Variants in CD163L1 observed in about 807,000 individuals in gnomAD.
CD163L1 encodes the protein CD163 molecule like 1.
CD163L1 carries 124 observed loss-of-function variants against 165.4 expected under a neutral mutation model. That is an observed-to-expected ratio of 0.75 (90% CI 0.65 to 0.87). The LOEUF is 0.87. Among genes scored for constraint, CD163L1 ranks in the 40% least tolerant of loss-of-function variants. The probability of loss-of-function intolerance (pLI) is 0.00; values close to 1 mark genes in which losing one functional copy is unlikely to be tolerated. For missense variants in CD163L1, 1,525 were observed against 1,799.9 expected, an observed-to-expected ratio of 0.85 and a Z score of 2.76; for synonymous variants, 585 against 662.2, an observed-to-expected ratio of 0.88 and a Z score of 1.79.
chr12:7,419,965 G>A (rs755882295), intron 4 of CD163L1, among the ~76,000 whole-genome samples: 1 of 151,672 alleles, frequency 6.6e-6, no homozygotes, highest in Non-Finnish European at 1.5e-5. Context: ...CAAACTATAA[G>A]GCAATAGTCA....
intron 4 of CD163L1, among the ~76,000 whole-genome samples, chr12:7,407,744 A>G (rs1948055750): frequency 6.6e-6 from 1 of 151,422 alleles, no homozygotes; most frequent in Non-Finnish European, 1.5e-5. Flanking sequence ...AAAGCCTGAG[A>G]ACTTGAAGAT....
Position 7,400,934 on chromosome 12 carries a change from A to C in CD163L1, c.1409-2350T>G, listed in dbSNP as rs187474485. On this transcript the variant is annotated intron_variant, in intron 6 of 19. Transcript: ENST00000313599. This position sits in a 1 kb window ranked among gnomAD's most constrained non-coding sequence, Gnocchi z 4.1. ...AGAGTTCTTACACATTATGAAGACA[A>C]AGACATCACACAGCAGAAAAATGGC... Among the ~76,000 whole-genome samples the C allele has an allele frequency of 2.0e-4, 31 of 152,320 alleles. No individual in the cohort carries two copies. The East Asian group carries it at 5.0e-3, about 25-fold the overall frequency.
At chr12:7,380,773 A>G (rs962448224) in intron 8 of CD163L1, among the ~76,000 whole-genome samples, 1 of 152,164 alleles carries the variant, frequency 6.6e-6, no homozygotes, top group Non-Finnish European at 1.5e-5. Flanking sequence ...CTAAAAACCT[A>G]TGGAAATAAA....
chr12:7,367,172 A>G, intron 18 of CD163L1, 64 bp downstream of exon 18: 1 of 951,190 alleles, frequency 1.1e-6, no homozygotes, highest in Non-Finnish European at 1.6e-6. Context: ...GTTCCTAAAT[A>G]TCAGCGGTAT....
the CD163L1 span, among the ~76,000 whole-genome samples, chr12:7,331,532 C>A: frequency 2.6e-5 from 4 of 152,226 alleles, no homozygotes; most frequent in Non-Finnish European, 5.9e-5. Context: ...GAGGCACCCC[C>A]CAGTAGGGGC....
chr12:7,342,238 G>T (rs770050961), downstream of CD163L1, among the ~76,000 whole-genome samples: 1 of 152,314 alleles, frequency 6.6e-6, no homozygotes, highest in African/African-American at 2.4e-5. Context: ...GCTGGAATGA[G>T]GGCAGGGAAC....
intron 4 of CD163L1, among the ~76,000 whole-genome samples, chr12:7,421,636 T>C (rs201742294): frequency 1.5e-3 from 8 of 5,234 alleles, no homozygotes; most frequent in Non-Finnish European, 4.3e-3. Flanking sequence ...TATACATATA[T>C]GTACACATAT....
chr12:7,361,272 C>T (rs1043670033), intron 18 of CD163L1, among the ~76,000 whole-genome samples: 3 of 152,142 alleles, frequency 2.0e-5, no homozygotes, highest in African/African-American at 7.2e-5. Context: ...TCCAGATCCT[C>T]CCTCTATGTG....
intron 2 of CD163L1, among the ~76,000 whole-genome samples, chr12:7,437,289 G>A (rs887450167): frequency 2.8e-3 from 13 of 4,632 alleles, no homozygotes; most frequent in Non-Finnish European, 0.012. Context: ...TATTTTAATA[G>A]TATTACTTTT....
intron 4 of CD163L1, among the ~76,000 whole-genome samples, chr12:7,422,121 C>T (rs914067178): frequency 6.6e-6 from 1 of 152,200 alleles, no homozygotes; most frequent in South Asian, 2.1e-4. Context: ...CCGTTCTGCA[C>T]ACTCCGCTGG....
At chr12:7,380,380 T>TGTGTGTATACGCGTATACATACATGTAA in intron 8 of CD163L1, among the ~76,000 whole-genome samples, 1 of 141,532 alleles carries the variant, frequency 7.1e-6, no homozygotes, top group Non-Finnish European at 1.6e-5. Flanking sequence ...CATACATGTA[T>TGTGTGTATACGCGTATACATACATGTAA]GTGTGTATAT....
At chr12:7,390,028 A>G (rs1195806015) in intron 8 of CD163L1, among the ~76,000 whole-genome samples, 1 of 149,390 alleles carries the variant, frequency 6.7e-6, no homozygotes, top group Non-Finnish European at 1.5e-5. Context: ...AAAGAATGAA[A>G]TCTTACTATT....
chr12:7,371,090 C>A (rs1423530562), intron 14 of CD163L1, among the ~76,000 whole-genome samples: 3 of 152,156 alleles, frequency 2.0e-5, no homozygotes, highest in African/African-American at 7.2e-5. Flanking sequence ...CTTTTGCCTG[C>A]CACCATGTAA....
the CD163L1 span, among the ~76,000 whole-genome samples, chr12:7,341,117 T>A: frequency 1.3e-5 from 2 of 152,232 alleles, no homozygotes; most frequent in South Asian, 4.1e-4. Context: ...AGATTAATTT[T>A]CTTTACTTAA....
At chr12:7,326,004 A>G in the CD163L1 span, among the ~76,000 whole-genome samples, 5 of 152,170 alleles carry the variant, frequency 3.3e-5, no homozygotes, top group African/African-American at 4.8e-5. Flanking sequence ...TATTCTCTCA[A>G]TATAAATGAT....
intron 8 of CD163L1, among the ~76,000 whole-genome samples, chr12:7,382,034 TTATATATAATTGTTTTA>T (rs1659398719): frequency 6.8e-6 from 1 of 147,950 alleles, no homozygotes; most frequent in Admixed American, 6.8e-5. Flanking sequence ...ATAGAATTGT[TTATATATAATTGTTTTA>T]TATATATAAT....
At chr12:7,377,750 G>A (rs771410359) in intron 9 of CD163L1, among the ~76,000 whole-genome samples, 25 of 152,042 alleles carry the variant, frequency 1.6e-4, no homozygotes, top group Non-Finnish European at 2.8e-4. Flanking sequence ...TGGCTTTAGC[G>A]ATGTGACATT....
the CD163L1 span, among the ~76,000 whole-genome samples, chr12:7,329,114 A>G: frequency 6.7e-6 from 1 of 148,360 alleles, no homozygotes; most frequent in Non-Finnish European, 1.5e-5. Flanking sequence ...ATATGTATCT[A>G]TATATACACA....
At chr12:7,381,669 G>A (rs1422687107) in intron 8 of CD163L1, among the ~76,000 whole-genome samples, 1 of 151,950 alleles carries the variant, frequency 6.6e-6, no homozygotes. Context: ...AGATACTGAC[G>A]TTTAGAGAGC....
Sources: allele counts gnomAD v4.1 joint callset (sites outside exome capture counted in the v4.1 genomes callset), GRCh38; gene constraint gnomAD v4.1.1; non-coding constraint Gnocchi (gnomAD v3.1); transcripts MANE v1.5; gene names NCBI Gene and HGNC (gene_info 2026-07-23, HGNC 2026-07-21).